PIBF1: variants seen among roughly 807,000 people sequenced by gnomAD.
PIBF1 encodes progesterone immunomodulatory binding factor 1.
In PIBF1, 90 loss-of-function variants were observed where a neutral mutation model predicts 112.5. The observed-to-expected ratio is 0.80, with a 90% CI of 0.67 to 0.95. The LOEUF is 0.95. Ranked by LOEUF, PIBF1 falls within the 40% of genes least tolerant of loss-of-function variation. The pLI, the probability that PIBF1 is intolerant of heterozygous loss-of-function variation, is 0.00. For missense variants in PIBF1, 915 were observed against 852.3 expected (o/e 1.07, Z -0.92); for synonymous variants, 301 against 288.6 (o/e 1.04, Z -0.44).
At chr13:72,788,308 G>A (rs1351087802) in intron 2 of PIBF1, among the ~76,000 whole-genome samples, 1 of 152,188 alleles carries the variant, frequency 6.6e-6, no homozygotes, top group African/African-American at 2.4e-5. Context: ...AGGGTTTCAA[G>A]GATTAAGTTC....
intron 16 of PIBF1, among the ~76,000 whole-genome samples, chr13:72,993,120 G>A (rs1277010967): frequency 6.6e-6 from 1 of 152,064 alleles, no homozygotes; most frequent in African/African-American, 2.4e-5. Context: ...GATTGCTTGA[G>A]TCCAGCCTGG....
At chr13:72,927,587 A>G (rs1204860572) in intron 13 of PIBF1, among the ~76,000 whole-genome samples, 1 of 152,084 alleles carries the variant, frequency 6.6e-6, no homozygotes, top group Non-Finnish European at 1.5e-5. Flanking sequence ...GGGTTTTGCC[A>G]TGTTGGCCAG....
chr13:72,951,589 A>G (rs571442828), intron 14 of PIBF1, among the ~76,000 whole-genome samples: 50 of 152,318 alleles, frequency 3.3e-4, no homozygotes, highest in Non-Finnish European at 5.3e-4. Flanking sequence ...TACGTACGGT[A>G]TGATTCCAAC....
intron 16 of PIBF1, among the ~76,000 whole-genome samples, chr13:72,980,381 A>C (rs1388893442): frequency 6.6e-6 from 1 of 152,204 alleles, no homozygotes; most frequent in Non-Finnish European, 1.5e-5. Flanking sequence ...CATCAGGAAG[A>C]GAGTAGAGTC....
At chr13:72,877,014 G>A (rs1046710056) in intron 10 of PIBF1, among the ~76,000 whole-genome samples, 2 of 152,092 alleles carry the variant, frequency 1.3e-5, no homozygotes, top group Non-Finnish European at 2.9e-5. Context: ...GTTACTTGTA[G>A]GATTTTTGTG....
At chr13:73,002,166 G>A (rs1594351426) in intron 17 of PIBF1, among the ~76,000 whole-genome samples, 1 of 152,110 alleles carries the variant, frequency 6.6e-6, no homozygotes, top group African/African-American at 2.4e-5. Context: ...TCTGAACAAA[G>A]CAGATACTCA....
chr13:72,918,454 C>A (rs1384441675), intron 13 of PIBF1, among the ~76,000 whole-genome samples: 1 of 145,950 alleles, frequency 6.9e-6, no homozygotes, highest in East Asian at 2.0e-4. Flanking sequence ...ATGGCACAGT[C>A]TCAGCTCACT....
intron 5 of PIBF1, among the ~76,000 whole-genome samples, chr13:72,801,784 A>G (rs1297784904): frequency 6.6e-6 from 1 of 152,230 alleles, no homozygotes; most frequent in Non-Finnish European, 1.5e-5. Context: ...TGTTTAGTGC[A>G]GAACTGTAAG....
chr13:72,851,611 C>T (rs759182052), intron 9 of PIBF1, among the ~76,000 whole-genome samples: 6 of 152,164 alleles, frequency 3.9e-5, no homozygotes, highest in Admixed American at 6.5e-5. Flanking sequence ...GGCTTCTGGG[C>T]GGAAAGGGGT....
intron 14 of PIBF1, among the ~76,000 whole-genome samples, chr13:72,943,804 G>A (rs1396198209): frequency 6.6e-6 from 1 of 152,164 alleles, no homozygotes; most frequent in Non-Finnish European, 1.5e-5. Context: ...GGGAAAAGGG[G>A]AAAAAGCCAA....
At chr13:72,900,969 C>A (rs527519792) in intron 11 of PIBF1, 14 of 343,366 alleles carry the variant, frequency 4.1e-5, no homozygotes, top group South Asian at 3.1e-4. Flanking sequence ...TTGCAGTGAA[C>A]CGAGATTGCG....
chr13:72,815,432 C>A (rs774870139), intron 5 of PIBF1, among the ~76,000 whole-genome samples: 2 of 152,096 alleles, frequency 1.3e-5, no homozygotes, highest in Admixed American at 1.3e-4. Flanking sequence ...TCATCTCTAG[C>A]AAGAAAAGAA....
intron 14 of PIBF1, among the ~76,000 whole-genome samples, chr13:72,954,727 T>C (rs1488231169): frequency 2.0e-5 from 3 of 152,226 alleles, no homozygotes; most frequent in Non-Finnish European, 4.4e-5. Context: ...TTCCATCTGG[T>C]TCACAGTGTA....
chr13:72,899,110 G>T (rs2040391488), intron 11 of PIBF1, among the ~76,000 whole-genome samples: 1 of 151,964 alleles, frequency 6.6e-6, no homozygotes, highest in African/African-American at 2.4e-5. Context: ...CCAATAACAA[G>T]CAGCGAGATT....
Position 72,783,737 on chromosome 13 carries a change from A to T in PIBF1, c.252+16A>T. On this transcript the variant is annotated intron_variant, in intron 2 of 17. Coordinates refer to ENST00000326291, the MANE Select transcript of PIBF1 (RefSeq NM_006346.4). ...TCTTACAAAGGTAAGATCAGGTTTA[A>T]ATTTTGTGTTCTATATGCTTTATTG... The T allele has an allele frequency of 6.2e-7, 1 of 1,610,146 alleles. No individual in the cohort carries two copies. The highest frequency in any genetic ancestry group is 8.5e-7 in the Non-Finnish European group (1 of 1,177,016).
At chr13:72,957,781 GA>G (rs922573171) in intron 14 of PIBF1, among the ~76,000 whole-genome samples, 4 of 150,058 alleles carry the variant, frequency 2.7e-5, no homozygotes, top group African/African-American at 4.9e-5. Context: ...TCTAAAAAAA[GA>G]AAAAAAAACT....
intron 15 of PIBF1, 135 bp from the exon 16 acceptor site, chr13:72,973,453 GTCT>G: frequency 6.2e-6 from 3 of 485,450 alleles, no homozygotes. Flanking sequence ...TTAGTGGCTG[GTCT>G]GGAATATTTA....
At chr13:72,930,292 A>G (rs2041659776) in intron 13 of PIBF1, among the ~76,000 whole-genome samples, 1 of 152,198 alleles carries the variant, frequency 6.6e-6, no homozygotes, top group Non-Finnish European at 1.5e-5. Context: ...ATTATAAAAC[A>G]TTCCATCTAG....
At chr13:72,784,338 C>G (rs563940285) in intron 2 of PIBF1, among the ~76,000 whole-genome samples, 8 of 150,884 alleles carry the variant, frequency 5.3e-5, no homozygotes, top group Non-Finnish European at 1.2e-4. Flanking sequence ...CCCAGCTGCT[C>G]GGGAGGCTGA....
Sources: allele counts gnomAD v4.1 joint callset (sites outside exome capture counted in the v4.1 genomes callset), GRCh38; gene constraint gnomAD v4.1.1; transcripts MANE v1.5; gene names NCBI Gene and HGNC (gene_info 2026-07-23, HGNC 2026-07-21).